The following TDRD7 variants were observed in gnomAD, a reference collection of about 807,000 sequenced individuals.
TDRD7 encodes tudor domain-containing protein 7.
TDRD7 carries 47 observed loss-of-function variants against 109.8 expected under a neutral mutation model. That is an observed-to-expected ratio of 0.43 (90% CI 0.34 to 0.55). TDRD7 has a LOEUF of 0.55. Among genes scored for constraint, TDRD7 ranks in the 20% least tolerant of loss-of-function variants. The probability of loss-of-function intolerance (pLI) is 0.03; values close to 1 mark genes in which losing one functional copy is unlikely to be tolerated. For missense variants in TDRD7, 1,164 were observed against 1,319.2 expected, an observed-to-expected ratio of 0.88 and a Z score of 1.82; for synonymous variants, 424 against 457.3, an observed-to-expected ratio of 0.93 and a Z score of 0.93.
intron 16 of TDRD7, among the ~76,000 whole-genome samples, chr9:97,490,588 C>G (rs1004303676): frequency 1.3e-5 from 2 of 148,994 alleles, no homozygotes; most frequent in Non-Finnish European, 3.0e-5. Flanking sequence ...GTTCTCTGAG[C>G]TTCCTAGATC....
chr9:97,415,504 G>A (rs1275124968), intron 1 of TDRD7, among the ~76,000 whole-genome samples: 1 of 152,192 alleles, frequency 6.6e-6, no homozygotes, highest in Non-Finnish European at 1.5e-5. Flanking sequence ...GAAGTAGAGT[G>A]AGAATTATTT....
At chr9:97,452,245 C>A (rs1382427800) in intron 6 of TDRD7, among the ~76,000 whole-genome samples, 1 of 152,110 alleles carries the variant, frequency 6.6e-6, no homozygotes, top group Non-Finnish European at 1.5e-5. Context: ...AAAAGAAACC[C>A]CAAAGATTGG....
chr9:97,453,968 G>A (rs1344524149), intron 6 of TDRD7, among the ~76,000 whole-genome samples: 1 of 152,056 alleles, frequency 6.6e-6, no homozygotes, highest in Non-Finnish European at 1.5e-5. Flanking sequence ...TTAACACCCC[G>A]CTGTCAATAT....
At chr9:97,417,970 C>A (rs1827837890) in intron 1 of TDRD7, among the ~76,000 whole-genome samples, 1 of 152,024 alleles carries the variant, frequency 6.6e-6, no homozygotes, top group Non-Finnish European at 1.5e-5. Context: ...ACTAAAAATA[C>A]AAAAAGTAGC....
At chr9:97,451,864 C>G (rs1354848472) in intron 6 of TDRD7, among the ~76,000 whole-genome samples, 1 of 149,748 alleles carries the variant, frequency 6.7e-6, no homozygotes, top group African/African-American at 2.4e-5. Context: ...AATTGATTGA[C>G]TGAAGTGGGG....
chr9:97,416,939 A>AAATGGAG (rs1248899806), intron 1 of TDRD7, among the ~76,000 whole-genome samples: 1 of 152,118 alleles, frequency 6.6e-6, no homozygotes, highest in African/African-American at 2.4e-5. Context: ...TAAAACCATT[A>AAATGGAG]AATGGAGAAG....
chr9:97,472,179 A>C, intron 9 of TDRD7, 114 bp from the exon 10 acceptor site: 1 of 910,112 alleles, frequency 1.1e-6, no homozygotes, highest in Non-Finnish European at 1.7e-6. Context: ...AAAATTTAAT[A>C]ATTTTGCAGT....
chr9:97,454,983 A>G (rs1828578925), intron 6 of TDRD7, among the ~76,000 whole-genome samples: 1 of 152,226 alleles, frequency 6.6e-6, no homozygotes, highest in African/African-American at 2.4e-5. Flanking sequence ...ATAAAAAACG[A>G]TAAAGGGGAT....
chr9:97,428,728 T>C, intron 2 of TDRD7, 56 bp downstream of exon 2: 1 of 1,520,842 alleles, frequency 6.6e-7, no homozygotes, highest in East Asian at 2.3e-5. Flanking sequence ...ATTGCCTCTC[T>C]GGCACTTCCA....
chr9:97,450,668 G>T (rs1271919922), intron 6 of TDRD7, among the ~76,000 whole-genome samples: 2 of 152,136 alleles, frequency 1.3e-5, no homozygotes, highest in East Asian at 3.8e-4. Flanking sequence ...GTTCTTGTGG[G>T]ATACATATAG....
At chr9:97,461,197 ATAATGTATTAATAT>A (rs1032147013) in intron 7 of TDRD7, among the ~76,000 whole-genome samples, 31 of 152,324 alleles carry the variant, frequency 2.0e-4, no homozygotes, top group African/African-American at 7.2e-4. Context: ...GTGAGGCTTA[ATAATGTATTAATAT>A]TTGTTAATTG....
At chr9:97,475,239 C>G in intron 11 of TDRD7, 144 bp from the exon 12 acceptor site, 2 of 715,688 alleles carry the variant, frequency 2.8e-6, no homozygotes, top group Non-Finnish European at 5.1e-6. Context: ...TTTTATAACC[C>G]TGTGTGTTTG....
intron 6 of TDRD7, among the ~76,000 whole-genome samples, chr9:97,452,570 A>ATTG (rs1426529078): frequency 1.3e-5 from 2 of 152,236 alleles, no homozygotes; most frequent in Non-Finnish European, 2.9e-5. Context: ...AATAAGAATA[A>ATTG]TATAAAACTG....
intron 16 of TDRD7, among the ~76,000 whole-genome samples, chr9:97,494,174 C>T (rs1348951768): frequency 6.6e-6 from 1 of 152,220 alleles, no homozygotes. Context: ...GCAGTAAAGA[C>T]AGGAGTAAGA....
chr9:97,456,072 C>T (rs776541710), intron 6 of TDRD7, among the ~76,000 whole-genome samples: 3 of 152,050 alleles, frequency 2.0e-5, no homozygotes, highest in East Asian at 3.9e-4. Flanking sequence ...CTCCCATTGG[C>T]GATCGCTACA....
chr9:97,487,396 C>T lies in TDRD7; in HGVS notation c.3076+64C>T. The T allele has an allele frequency of 2.5e-6, 4 of 1,608,328 alleles. No homozygotes were observed. The South Asian group carries it at 4.4e-5, about 18-fold the overall frequency. On this transcript the variant is annotated intron_variant, in intron 16 of 16. Coordinates refer to ENST00000355295, the MANE Select transcript of TDRD7 (RefSeq NM_014290.3). ...CAATATTGTCATTTTATCCTGGGTA[C>T]TTAGCAAGTACTGAATCATTGGCCT...
intron 1 of TDRD7, 113 bp from the exon 2 acceptor site, chr9:97,428,347 A>C: frequency 9.4e-7 from 1 of 1,062,296 alleles, no homozygotes. Flanking sequence ...TTGTAATTGC[A>C]CAGAAAGTAT....
At chr9:97,428,837 C>T (rs932839327) in intron 2 of TDRD7, among the ~76,000 whole-genome samples, 165 bp downstream of exon 2, 69 of 152,216 alleles carry the variant, frequency 4.5e-4, no homozygotes, top group African/African-American at 1.6e-3. Context: ...AGCCTACATT[C>T]TTATGTCTTT....
chr9:97,460,492 A>G lies in TDRD7; in HGVS notation c.1170A>G (p.Ile390Met), dbSNP rs1828694379. 6.2e-7 allele frequency: 1 copy of G among 1,614,122 alleles called. No homozygotes were observed. The highest frequency in any genetic ancestry group is 8.5e-7 in the Non-Finnish European group (1 of 1,180,054). ...NLASLSDVCS[I>M]DYISGNPQKA... is the part of the protein sequence containing the mutation. ...CCTCACTTTCTGATGTATGCAGCAT[A>G]GACTACATTTCTGGAAATCCCCAGA... The change falls in exon 7 of 17, where the codon ATA becomes ATG. Residue 390 changes from isoleucine (I) to methionine (M), a missense_variant. Ile to Met is a conservative substitution (Grantham distance 10). Transcript: ENST00000355295.
Sources: allele counts gnomAD v4.1 joint callset (sites outside exome capture counted in the v4.1 genomes callset), GRCh38; gene constraint gnomAD v4.1.1; transcripts MANE v1.5; gene names NCBI Gene and HGNC (gene_info 2026-07-23, HGNC 2026-07-21).